Variants in ANGPT1 observed in about 807,000 individuals in gnomAD.
ANGPT1 encodes the protein angiopoietin-1.
Under a neutral mutation model 62.2 loss-of-function variants are expected in ANGPT1, and 17 were observed. The ratio of observed to expected loss-of-function variants is 0.27; its 90% CI spans 0.19 to 0.41. ANGPT1 has a LOEUF of 0.41. ANGPT1 is among the 10% of genes least tolerant of loss of function. The pLI is 1.00. For synonymous variants in ANGPT1, 199 were observed against 198.9 expected (o/e 1.00, Z 0.00); for missense variants, 478 against 594.9 (o/e 0.80, Z 2.04).
chr8:107,353,889 G>A (rs1815985287), intron 1 of ANGPT1, among the ~76,000 whole-genome samples: 1 of 152,046 alleles, frequency 6.6e-6, no homozygotes. Context: ...CTGCTTGATA[G>A]GGAGATGCTC....
chr8:107,297,309 C>T (rs781186083), intron 5 of ANGPT1, among the ~76,000 whole-genome samples: 2 of 151,924 alleles, frequency 1.3e-5, no homozygotes, highest in East Asian at 1.9e-4. Flanking sequence ...TGGTTAATAG[C>T]GCCAACTTGA....
At chr8:107,354,609 CT>C (rs1343995149) in intron 1 of ANGPT1, among the ~76,000 whole-genome samples, 1 of 151,822 alleles carries the variant, frequency 6.6e-6, no homozygotes, top group African/African-American at 2.4e-5. Flanking sequence ...CATACATATC[CT>C]TAATGGCAGT....
intron 1 of ANGPT1, among the ~76,000 whole-genome samples, chr8:107,357,781 A>C (rs1816077822): frequency 6.6e-6 from 1 of 152,150 alleles, no homozygotes; most frequent in Non-Finnish European, 1.5e-5. Flanking sequence ...CAATTAAGGG[A>C]TTTGTCGATT....
chr8:107,382,635 A>G (rs1328154805), intron 1 of ANGPT1, among the ~76,000 whole-genome samples: 1 of 150,484 alleles, frequency 6.6e-6, no homozygotes. Context: ...CACTAAACAC[A>G]GAGCTGGGAA....
At chr8:107,286,681 T>A (rs1814149441) in intron 6 of ANGPT1, among the ~76,000 whole-genome samples, 1 of 152,150 alleles carries the variant, frequency 6.6e-6, no homozygotes, top group Non-Finnish European at 1.5e-5. Context: ...TTGGTCCAGA[T>A]TGCATTGAGT....
At chr8:107,310,463 C>T (rs1388990217) in intron 4 of ANGPT1, among the ~76,000 whole-genome samples, 2 of 152,188 alleles carry the variant, frequency 1.3e-5, no homozygotes, top group Non-Finnish European at 2.9e-5. Flanking sequence ...CAATACTTAT[C>T]TCTGCTGACA....
intron 1 of ANGPT1, among the ~76,000 whole-genome samples, chr8:107,355,743 A>G (rs763821412): frequency 2.0e-5 from 3 of 152,060 alleles, no homozygotes; most frequent in Non-Finnish European, 4.4e-5. Flanking sequence ...GAAGCCTCTC[A>G]TCAATCTTCT....
At chr8:107,265,414 T>G (rs1310693450) in intron 7 of ANGPT1, among the ~76,000 whole-genome samples, 1 of 152,228 alleles carries the variant, frequency 6.6e-6, no homozygotes, top group Non-Finnish European at 1.5e-5. Flanking sequence ...CAAGCTGCTT[T>G]CATATCCTTC....
intron 3 of ANGPT1, chr8:107,322,797 G>C (rs904790760): frequency 4.3e-5 from 11 of 256,798 alleles, no homozygotes; most frequent in Non-Finnish European, 7.7e-5. Flanking sequence ...GGTGAAAAAA[G>C]AAAAAACAGC....
intron 1 of ANGPT1, among the ~76,000 whole-genome samples, chr8:107,464,068 A>C (rs1812140441): frequency 6.6e-6 from 1 of 152,166 alleles, no homozygotes; most frequent in Non-Finnish European, 1.5e-5. Flanking sequence ...GTGGTGAGTA[A>C]GAACATAAAT....
intron 3 of ANGPT1, among the ~76,000 whole-genome samples, chr8:107,332,515 GAATCTC>G (rs1461969597): frequency 6.6e-6 from 1 of 152,182 alleles, no homozygotes; most frequent in African/African-American, 2.4e-5. Context: ...ATAGAGAAGT[GAATCTC>G]ATGAGGCCAA....
At chr8:107,487,077 T>G (rs1203501487) in intron 1 of ANGPT1, among the ~76,000 whole-genome samples, 2 of 152,082 alleles carry the variant, frequency 1.3e-5, no homozygotes, top group Admixed American at 1.3e-4. Context: ...CTCCTGACAC[T>G]GCTATAGTCC....
chr8:107,470,682 T>A (rs1812332596), intron 1 of ANGPT1, among the ~76,000 whole-genome samples: 2 of 152,026 alleles, frequency 1.3e-5, no homozygotes, highest in African/African-American at 4.8e-5. Context: ...TTTCTTTTGG[T>A]GTTTTAGAAA....
chr8:107,420,743 G>C (rs1355654689), intron 1 of ANGPT1, among the ~76,000 whole-genome samples: 1 of 152,122 alleles, frequency 6.6e-6, no homozygotes, highest in East Asian at 1.9e-4. Flanking sequence ...ATTGAGTTTA[G>C]AAGTGTCCTC....
chr8:107,406,394 T>C (rs1212674919), intron 1 of ANGPT1, among the ~76,000 whole-genome samples: 1 of 151,958 alleles, frequency 6.6e-6, no homozygotes, highest in Non-Finnish European at 1.5e-5. Context: ...GCATTAAAAA[T>C]AAGTATTTTA....
chr8:107,404,870 G>A (rs1817116987), intron 1 of ANGPT1, among the ~76,000 whole-genome samples: 1 of 152,062 alleles, frequency 6.6e-6, no homozygotes, highest in South Asian at 2.1e-4. Context: ...TTCAGCAAAC[G>A]TGGAGGGAAA....
chr8:107,414,377 C>T (rs915648187), intron 1 of ANGPT1, among the ~76,000 whole-genome samples: 4 of 152,074 alleles, frequency 2.6e-5, no homozygotes, highest in African/African-American at 9.7e-5. Flanking sequence ...GAGGTGATGC[C>T]TATGTTAATT....
chr8:107,300,127 T>C (rs1814550976), intron 5 of ANGPT1, among the ~76,000 whole-genome samples: 1 of 145,376 alleles, frequency 6.9e-6, no homozygotes, highest in Non-Finnish European at 1.5e-5. Context: ...AGTATATATA[T>C]AGTATAGTAT....
At chr8:107,317,479 A>T (rs1008368095) in intron 4 of ANGPT1, among the ~76,000 whole-genome samples, 1 of 152,104 alleles carries the variant, frequency 6.6e-6, no homozygotes, top group Non-Finnish European at 1.5e-5. Flanking sequence ...TACTTTTTTT[A>T]AAAACTTTTT....
Sources: gnomAD v4.1 joint callset for allele counts (sites outside exome capture counted in the v4.1 genomes callset) on GRCh38, gnomAD v4.1.1 for gene constraint, MANE v1.5 for transcripts, NCBI Gene and HGNC (gene_info 2026-07-23, HGNC 2026-07-21) for gene names.